Variants in ARHGAP44 observed in about 807,000 individuals in gnomAD.
ARHGAP44 encodes Rho GTPase activating protein 44, also known as rho GTPase-activating protein 44.
Under a neutral mutation model 106.8 loss-of-function variants are expected in ARHGAP44, and 43 were observed. That is an observed-to-expected ratio of 0.40 (90% CI 0.32 to 0.52). The LOEUF is 0.52. ARHGAP44 is among the 20% of genes least tolerant of loss of function. The pLI, the probability that ARHGAP44 is intolerant of heterozygous loss-of-function variation, is 0.48. For missense variants in ARHGAP44, 866 were observed against 1,050.5 expected, an observed-to-expected ratio of 0.82 and a Z score of 2.43; for synonymous variants, 439 against 410.3, an observed-to-expected ratio of 1.07 and a Z score of -0.85.
chr17:12,852,961 G>A (rs2035803926), intron 1 of ARHGAP44, among the ~76,000 whole-genome samples: 1 of 152,176 alleles, frequency 6.6e-6, no homozygotes, highest in African/African-American at 2.4e-5. Flanking sequence ...TGTGAGGAAC[G>A]GTATTTGTGA....
In ARHGAP44 at chr17:12,955,910, G is replaced by A. The variant is rs755937605; in HGVS notation, c.1180G>A (p.Val394Ile). 1 of 1,613,530 alleles carries A rather than the reference G, an allele frequency of 6.2e-7. No individual in the cohort carries two copies. The highest frequency in any genetic ancestry group is 1.1e-5 in the South Asian group (1 of 91,036). Reference sequence around the variant, plus strand: ...ATCCAAGCTGTCAGAATATCAAGATGTAAACAAGATGACTCCCAGTAATAT... The same window carrying A: ...ATCCAAGCTGTCAGAATATCAAGATATAAACAAGATGACTCCCAGTAATAT... ...FLSKLSEYQDVNKMTPSNMAI... is the reference protein window; with the variant it reads ...FLSKLSEYQDINKMTPSNMAI... Residue 394 changes from valine to isoleucine, a missense_variant, in exon 14 of 21, where the codon GTA becomes ATA. Physicochemically the swap from Val to Ile is conservative, Grantham distance 29 (BLOSUM62 3). Around this residue, in one of 2 missense-constraint regions of ARHGAP44, gnomAD observed 448 missense variants for 646.9 expected, o/e 0.69. Transcript: ENST00000379672.
intron 2 of ARHGAP44, 96 bp downstream of exon 2, chr17:12,895,075 T>C: frequency 8.3e-7 from 1 of 1,207,146 alleles, no homozygotes; most frequent in South Asian, 1.3e-5. Context: ...AGGTTGTAGT[T>C]AGCCGGGATC....
intron 1 of ARHGAP44, among the ~76,000 whole-genome samples, chr17:12,839,738 A>G (rs1286662631): frequency 6.6e-6 from 1 of 152,192 alleles, no homozygotes; most frequent in Non-Finnish European, 1.5e-5. Flanking sequence ...TTGCGTGGAT[A>G]TTCATTTTTA....
At chr17:12,902,889 A>G (rs2150930077) in intron 3 of ARHGAP44, among the ~76,000 whole-genome samples, 1 of 152,252 alleles carries the variant, frequency 6.6e-6, no homozygotes, top group East Asian at 1.9e-4. Flanking sequence ...TAACTTAAGT[A>G]AATATTAAAG....
intron 13 of ARHGAP44, among the ~76,000 whole-genome samples, chr17:12,953,881 T>TTTTTG (rs2039059687): frequency 6.6e-6 from 1 of 151,888 alleles, no homozygotes; most frequent in Non-Finnish European, 1.5e-5. Flanking sequence ...AGATTATTGT[T>TTTTTG]TTTTGTTTTG....
At chr17:12,956,450 C>T (rs955466160) in intron 14 of ARHGAP44, among the ~76,000 whole-genome samples, 8 of 152,094 alleles carry the variant, frequency 5.3e-5, no homozygotes, top group African/African-American at 1.2e-4. Context: ...TCATGTGCCT[C>T]GGGTTTATCT....
At chr17:12,964,019 T>C (rs2039331174) in intron 16 of ARHGAP44, among the ~76,000 whole-genome samples, 1 of 152,184 alleles carries the variant, frequency 6.6e-6, no homozygotes, top group Non-Finnish European at 1.5e-5. Context: ...AGTATTGGTG[T>C]GATATATAGG....
At chr17:12,959,773 G>A (rs1368080812) in intron 16 of ARHGAP44, among the ~76,000 whole-genome samples, 1 of 152,230 alleles carries the variant, frequency 6.6e-6, no homozygotes, top group Non-Finnish European at 1.5e-5. Flanking sequence ...AAAATAAAAT[G>A]TAGCAAGTGC....
intron 1 of ARHGAP44, among the ~76,000 whole-genome samples, chr17:12,862,354 T>C (rs1409954722): frequency 6.6e-6 from 1 of 152,190 alleles, no homozygotes; most frequent in African/African-American, 2.4e-5. Flanking sequence ...GTTTTAGTCA[T>C]TGAGTCAATC....
chr17:12,841,632 ACAC>A (rs1567642357), intron 1 of ARHGAP44, among the ~76,000 whole-genome samples: 1 of 117,624 alleles, frequency 8.5e-6, no homozygotes, highest in Non-Finnish European at 2.1e-5. Flanking sequence ...ACACACACAC[ACAC>A]ACACAAACAA....
chr17:12,987,214 TC>T, intron 20 of ARHGAP44: 1 of 1,400,260 alleles, frequency 7.1e-7, no homozygotes, highest in South Asian at 1.3e-5. Flanking sequence ...TGCCCGCTCC[TC>T]CCCTCCGCTC....
At chr17:12,951,573 CA>C (rs889028815) in intron 12 of ARHGAP44, among the ~76,000 whole-genome samples, 1 of 151,850 alleles carries the variant, frequency 6.6e-6, no homozygotes, top group Non-Finnish European at 1.5e-5. Flanking sequence ...AGGACCTATC[CA>C]GAGATACTCC....
intron 17 of ARHGAP44, chr17:12,973,868 C>G (rs974898760): frequency 3.0e-5 from 18 of 591,666 alleles, no homozygotes; most frequent in Non-Finnish European, 5.1e-5. Flanking sequence ...AGTGAGGGGG[C>G]CGCTCTTGCC....
At chr17:12,910,748 A>C (rs2037704543) in intron 4 of ARHGAP44, among the ~76,000 whole-genome samples, 1 of 152,034 alleles carries the variant, frequency 6.6e-6, no homozygotes, top group African/African-American at 2.4e-5. Context: ...CATTTTAACA[A>C]AGAATGATAT....
At chr17:12,853,266 A>G (rs892495126) in intron 1 of ARHGAP44, among the ~76,000 whole-genome samples, 1 of 152,130 alleles carries the variant, frequency 6.6e-6, no homozygotes, top group African/African-American at 2.4e-5. Flanking sequence ...AGGCCAGAAG[A>G]CTCAGCAAAT....
chr17:12,955,724 G>T, intron 13 of ARHGAP44, 143 bp from the exon 14 acceptor site: 1 of 579,172 alleles, frequency 1.7e-6, no homozygotes, highest in Non-Finnish European at 3.1e-6. Flanking sequence ...TTCCTGACAC[G>T]TGACGCATGT....
At chr17:12,871,286 G>T (rs190487406) in intron 1 of ARHGAP44, among the ~76,000 whole-genome samples, 3 of 152,286 alleles carry the variant, frequency 2.0e-5, no homozygotes, top group Non-Finnish European at 4.4e-5. Context: ...TGATTGGATC[G>T]TGGGGGTGGT....
At chr17:12,878,308 A>T (rs2036619890) in intron 1 of ARHGAP44, among the ~76,000 whole-genome samples, 1 of 151,926 alleles carries the variant, frequency 6.6e-6, no homozygotes, top group Non-Finnish European at 1.5e-5. Flanking sequence ...TAACAAGCTG[A>T]TGTATAACAC....
At chr17:12,928,401 A>G (rs1222078791) in intron 6 of ARHGAP44, among the ~76,000 whole-genome samples, 1 of 152,170 alleles carries the variant, frequency 6.6e-6, no homozygotes, top group Non-Finnish European at 1.5e-5. Flanking sequence ...AATATATAAT[A>G]TACAGTATAT....
Sources: gnomAD v4.1 joint callset for allele counts (sites outside exome capture counted in the v4.1 genomes callset) on GRCh38, gnomAD v4.1.1 for gene constraint, gnomAD v4.1.1 regional missense constraint, MANE v1.5 for transcripts, NCBI Gene and HGNC (gene_info 2026-07-23, HGNC 2026-07-21) for gene names.